The following URGCP variants were observed in gnomAD, a reference collection of about 807,000 sequenced individuals.
The protein encoded by URGCP is upregulator of cell proliferation.
URGCP carries 13 observed loss-of-function variants against 24.6 expected under a neutral mutation model. The ratio of observed to expected loss-of-function variants is 0.53; its 90% confidence interval spans 0.34 to 0.84. The LOEUF (loss-of-function observed/expected upper bound fraction) is 0.84. Ranked by LOEUF, URGCP falls within the 40% of genes least tolerant of loss-of-function variation. The pLI is 0.01. For synonymous variants in URGCP, 444 were observed against 487.2 expected (o/e 0.91, Z 1.17); for missense variants, 899 against 1,194.3 (o/e 0.75, Z 3.64).
rs1221399407 is a variant in URGCP at position 43,878,145 on chromosome 7, G to A, written c.1318C>T (p.Arg440Trp). 6.2e-6 allele frequency: 10 copies of A among 1,614,228 alleles called. No individual in the cohort carries two copies. The highest frequency in any genetic ancestry group is 7.6e-6 in the Non-Finnish European group (9 of 1,180,040). ...RIRAIVGNVLRAPCRRVSVED... is the reference protein window; with the variant it reads ...RIRAIVGNVLWAPCRRVSVED... ...ACAGATACCCGCCTGCAGGGTGCCCGCAGCACATTCCCAACGATGGCCCGG... is the reference window on the plus strand; with the variant it reads ...ACAGATACCCGCCTGCAGGGTGCCCACAGCACATTCCCAACGATGGCCCGG... The change falls in exon 6 of 6, where the codon CGG becomes TGG. Residue 440 changes from arginine to tryptophan, a missense_variant. Arg to Trp is a moderately radical substitution (Grantham distance 101, BLOSUM62 -3). Coordinates refer to ENST00000453200, the MANE Select transcript of URGCP (RefSeq NM_001077663.3). The surrounding 1 kb of genome is among the most constrained non-coding windows in gnomAD (Gnocchi z 5.6).
At chr7:43,919,674 G>A (rs2095919900) in intron 1 of URGCP, 1 of 1,375,422 alleles carries the variant, frequency 7.3e-7, no homozygotes, top group African/African-American at 1.4e-5. Flanking sequence ...CACCATCCAG[G>A]GAGAGGTGGA....
At chr7:43,921,750 A>T (rs2095922717) in intron 1 of URGCP, among the ~76,000 whole-genome samples, 1 of 152,256 alleles carries the variant, frequency 6.6e-6, no homozygotes, top group Non-Finnish European at 1.5e-5. Flanking sequence ...GATTATTTTA[A>T]ATTAGATAAG....
At chr7:43,923,281 CTTT>C (rs374239475) in intron 1 of URGCP, among the ~76,000 whole-genome samples, 6 of 134,786 alleles carry the variant, frequency 4.5e-5, no homozygotes, top group Non-Finnish European at 7.9e-5. Flanking sequence ...TGTGCCCAGC[CTTT>C]TTTTTTTTTT....
chr7:43,915,646 C>A (rs1315070132), intron 1 of URGCP, among the ~76,000 whole-genome samples: 2 of 152,214 alleles, frequency 1.3e-5, no homozygotes, highest in Non-Finnish European at 2.9e-5. Flanking sequence ...ACACCACATA[C>A]CATGGAGTCT....
chr7:43,882,089 G>A, intron 3 of URGCP, 132 bp from the exon 4 acceptor site: 2 of 1,471,544 alleles, frequency 1.4e-6, no homozygotes, highest in South Asian at 1.3e-5. Flanking sequence ...CTTGAGTCCA[G>A]GAGTTTGAGA....
chr7:43,909,763 G>A (rs2132721314), upstream of URGCP, among the ~76,000 whole-genome samples: 2 of 150,706 alleles, frequency 1.3e-5, no homozygotes, highest in African/African-American at 4.9e-5. Context: ...AATAAAATTG[G>A]CCAGTGCTGT....
intron 3 of URGCP, among the ~76,000 whole-genome samples, 194 bp downstream of exon 3, chr7:43,887,221 T>C (rs2132667823): frequency 6.6e-6 from 1 of 152,334 alleles, no homozygotes; most frequent in African/African-American, 2.4e-5. Context: ...AAACACTATT[T>C]TGAATATATG....
chr7:43,907,543 A>C (rs139209552), upstream of URGCP, among the ~76,000 whole-genome samples: 131 of 152,090 alleles, frequency 8.6e-4, no homozygotes, highest in Non-Finnish European at 1.5e-3. Context: ...ACTATTTAAA[A>C]ATGTTTACTA....
At position 43,878,709 on chromosome 7, in the gene URGCP, C is replaced by T. The variant is rs2095849334; in HGVS notation, c.754G>A (p.Glu252Lys). Residue 252 changes from glutamate to lysine, a missense_variant, in exon 6 of 6, where the codon GAA (glutamate) becomes AAA (lysine). By Grantham distance (56) the Glu-to-Lys change is moderately conservative. Coordinates refer to ENST00000453200, the MANE Select transcript of URGCP (RefSeq NM_001077663.3). This position sits in a 1 kb window ranked among gnomAD's most constrained non-coding sequence, Gnocchi z 5.6. The part of the protein sequence containing the change: ...QPPRGMGSFR[E>K]DSVVLSRAPA... ...GCCCTGGACAAGACCACGCTGTCTT[C>T]CCGGAAGCTCCCCATGCCCCTTGGG... is the stretch of plus-strand genomic sequence containing the variant. 1 of 1,614,086 alleles carries T rather than the reference C, an allele frequency of 6.2e-7. No individual in the cohort carries two copies. The highest frequency in any genetic ancestry group is 8.5e-7 in the Non-Finnish European group (1 of 1,180,014).
At chr7:43,884,471 C>T (rs1323802815) in intron 3 of URGCP, among the ~76,000 whole-genome samples, 1 of 152,174 alleles carries the variant, frequency 6.6e-6, no homozygotes, top group Non-Finnish European at 1.5e-5. Flanking sequence ...GGCCCTACCA[C>T]CATGGTGAGC....
intron 1 of URGCP, among the ~76,000 whole-genome samples, chr7:43,898,932 T>G (rs545531997): frequency 1.6e-3 from 245 of 148,578 alleles, no homozygotes; most frequent in African/African-American, 5.8e-3. Flanking sequence ...AGTCAGGAGT[T>G]CGAGACTAGC....
chr7:43,919,629 C>T (rs2095919824), intron 1 of URGCP: 14 of 1,388,418 alleles, frequency 1.0e-5, no homozygotes, highest in Middle Eastern at 3.6e-4. Context: ...AGGCCGAGAC[C>T]GCCAGACCAA....
In URGCP at chr7:43,878,763, C is replaced by G; in HGVS notation, c.700G>C (p.Gly234Arg). ...YHTFLLWAMR[G>R]IVRTWWSQPP... ...TGGGACCACCATGTCCTCACAATGC[C>G]CCGCATGGCCCACAGCAGAAATGTA... Residue 234 changes from glycine to arginine, a missense_variant, in exon 6 of 6, where the codon GGC becomes CGC. Physicochemically the swap from Gly to Arg is moderately radical, Grantham distance 125. Coordinates refer to ENST00000453200, the MANE Select transcript of URGCP (RefSeq NM_001077663.3). The surrounding 1 kb of genome is among the most constrained non-coding windows in gnomAD (Gnocchi z 5.6). 6.2e-7 allele frequency: 1 copy of G among 1,614,082 alleles called. No homozygotes were observed. Among genetic ancestry groups the G allele is most frequent in the Non-Finnish European group, 8.5e-7 (1 of 1,179,978 alleles).
In URGCP at chr7:43,876,697, C is replaced by T; in HGVS notation, c.2766G>A (p.Gln922=). The part of the protein sequence containing the change: ...NGLSNQNKNI[Q]QLIELVRRL Reference sequence around the variant, plus strand: ...GCCGTCTCACCAGCTCAATGAGCTGCTGGATGTTTTTGTTTTGGTTCGACA... The same window carrying T: ...GCCGTCTCACCAGCTCAATGAGCTGTTGGATGTTTTTGTTTTGGTTCGACA... The change falls in exon 6 of 6, where the codon CAG becomes CAA. Residue 922 remains glutamine (Q), a synonymous_variant. Coordinates refer to ENST00000453200, the MANE Select transcript of URGCP (RefSeq NM_001077663.3). The T allele has an allele frequency of 6.2e-7, 1 of 1,614,206 alleles. No individual in the cohort carries two copies. The highest frequency in any genetic ancestry group is 1.1e-5 in the South Asian group (1 of 91,086).
intron 5 of URGCP, chr7:43,881,266 G>A (rs755349903): frequency 2.8e-6 from 2 of 702,250 alleles, no homozygotes; most frequent in Admixed American, 4.0e-5. Context: ...TCTGGGCCCA[G>A]TATCCTGATC....
chr7:43,890,266 G>A (rs1408143972), intron 1 of URGCP, among the ~76,000 whole-genome samples: 1 of 147,006 alleles, frequency 6.8e-6, no homozygotes, highest in African/African-American at 2.5e-5. Context: ...CCAGGCTGGA[G>A]TGCAGTGGCG....
At chr7:43,894,470 T>A (rs1052845032) in intron 1 of URGCP, among the ~76,000 whole-genome samples, 4 of 152,132 alleles carry the variant, frequency 2.6e-5, no homozygotes, top group Non-Finnish European at 5.9e-5. Context: ...CACCTCAGCC[T>A]CCCAAGTAGC....
intron 3 of URGCP, 116 bp downstream of exon 3, chr7:43,887,299 T>G: frequency 8.1e-7 from 1 of 1,235,064 alleles, no homozygotes; most frequent in Non-Finnish European, 1.1e-6. Context: ...TTAAACTTAT[T>G]TATTTTTGAG....
At chr7:43,904,717 A>C (rs1216219200) in intron 1 of URGCP, among the ~76,000 whole-genome samples, 1 of 152,188 alleles carries the variant, frequency 6.6e-6, no homozygotes, top group Non-Finnish European at 1.5e-5. Context: ...CATTCTGAGA[A>C]ATGTGTCATT....
Sources: gnomAD v4.1 joint callset for allele counts (sites outside exome capture counted in the v4.1 genomes callset) on GRCh38, gnomAD v4.1.1 for gene constraint, Gnocchi (gnomAD v3.1) non-coding constraint, MANE v1.5 for transcripts, NCBI Gene and HGNC (gene_info 2026-07-23, HGNC 2026-07-21) for gene names.